Variants in CSTF3 observed in about 807,000 individuals in gnomAD.
CSTF3 encodes the protein CF-1 77 kDa subunit.
CSTF3 carries 29 observed loss-of-function variants against 105.8 expected under a neutral mutation model. That is an observed-to-expected ratio of 0.27 (90% CI 0.20 to 0.37). CSTF3 has a LOEUF of 0.37. Ranked by LOEUF, CSTF3 falls within the 10% of genes least tolerant of loss-of-function variation. The pLI is 1.00. For missense variants in CSTF3, 357 were observed against 879.3 expected, an observed-to-expected ratio of 0.41 and a Z score of 7.51; for synonymous variants, 252 against 281.9, an observed-to-expected ratio of 0.89 and a Z score of 1.06.
chr11:33,140,712 T>C (rs1403915521), intron 3 of CSTF3, among the ~76,000 whole-genome samples: 1 of 152,076 alleles, frequency 6.6e-6, no homozygotes. Context: ...GAAAATGTTA[T>C]GTTGAGGCTG....
At chr11:33,109,425 C>T (rs1407520909) in intron 3 of CSTF3, among the ~76,000 whole-genome samples, 1 of 152,040 alleles carries the variant, frequency 6.6e-6, no homozygotes, top group South Asian at 2.1e-4. Context: ...ATAACTTGTT[C>T]TCTTCTGGAC....
chr11:33,119,727 C>T (rs1257306593), intron 3 of CSTF3, among the ~76,000 whole-genome samples: 3 of 151,720 alleles, frequency 2.0e-5, no homozygotes, highest in African/African-American at 7.2e-5. Flanking sequence ...TAATTCTATT[C>T]TGCAACTGTT....
intron 3 of CSTF3, among the ~76,000 whole-genome samples, chr11:33,131,605 G>C (rs1160439021): frequency 1.3e-5 from 2 of 152,160 alleles, no homozygotes; most frequent in African/African-American, 4.8e-5. Context: ...CCCGCACTTT[G>C]GGAGGCCGAG....
At chr11:33,146,250 AAG>A (rs1491065700) in intron 1 of CSTF3, among the ~76,000 whole-genome samples, 1 of 151,582 alleles carries the variant, frequency 6.6e-6, no homozygotes, top group African/African-American at 2.4e-5. Context: ...CTCAAAAAAA[AAG>A]AAAAAAAGAA....
chr11:33,128,969 C>T (rs1855571556), intron 3 of CSTF3, among the ~76,000 whole-genome samples: 1 of 152,138 alleles, frequency 6.6e-6, no homozygotes, highest in Non-Finnish European at 1.5e-5. Flanking sequence ...CTCACCATCC[C>T]CCATCTTCCC....
At chr11:33,104,147 TTC>T (rs1400121015) in intron 8 of CSTF3, among the ~76,000 whole-genome samples, 2 of 152,280 alleles carry the variant, frequency 1.3e-5, no homozygotes, top group Admixed American at 6.5e-5. Context: ...TTCTAACTAG[TTC>T]TGTTGTATAA....
In CSTF3 at chr11:33,161,293, C is replaced by T. The variant is rs1347323792; in HGVS notation, c.27+6G>A. 8 of 1,613,248 alleles carry T rather than the reference C, an allele frequency of 5.0e-6. No individual in the cohort carries two copies. The highest frequency in any genetic ancestry group is 6.8e-6 in the Non-Finnish European group (8 of 1,180,012). On this transcript the variant is annotated splice_donor_region_variant and intron_variant, in intron 1 of 20. Transcript: ENST00000323959. The stretch of plus-strand genomic sequence containing the variant: ...GCCACGAGGCCCCACCACTCTCCTT[C>T]CTCACCTGCTCCGTGGCTCCGTCTC...
intron 1 of CSTF3, 103 bp from the exon 2 acceptor site, chr11:33,142,089 A>T: frequency 6.5e-7 from 1 of 1,527,108 alleles, no homozygotes; most frequent in Non-Finnish European, 8.8e-7. Context: ...GTCACATTAC[A>T]AAGCATAAAA....
intron 13 of CSTF3, among the ~76,000 whole-genome samples, chr11:33,098,241 G>C (rs535761222): frequency 6.6e-6 from 1 of 152,224 alleles, no homozygotes; most frequent in African/African-American, 2.4e-5. Context: ...GCAGGATTTA[G>C]CATAAAGTGA....
intron 3 of CSTF3, among the ~76,000 whole-genome samples, chr11:33,116,502 A>C (rs1855432276): frequency 6.6e-6 from 1 of 152,200 alleles, no homozygotes; most frequent in African/African-American, 2.4e-5. Context: ...TGTACAAGTC[A>C]ATGAAACAAC....
chr11:33,124,080 G>A (rs1204472191), intron 3 of CSTF3, among the ~76,000 whole-genome samples: 1 of 151,858 alleles, frequency 6.6e-6, no homozygotes, highest in Non-Finnish European at 1.5e-5. Context: ...AACACAATAT[G>A]CATTATGCAT....
At chr11:33,097,719 A>G (rs1041665833) in intron 13 of CSTF3, among the ~76,000 whole-genome samples, 4 of 151,352 alleles carry the variant, frequency 2.6e-5, no homozygotes, top group Admixed American at 2.0e-4. Flanking sequence ...AAAGCCCACT[A>G]CTCTATTTTC....
At chr11:33,145,765 G>C (rs1466032291) in intron 1 of CSTF3, among the ~76,000 whole-genome samples, 1 of 152,070 alleles carries the variant, frequency 6.6e-6, no homozygotes, top group African/African-American at 2.4e-5. Context: ...AGTGAGCAGA[G>C]ATGGCGCCAC....
At chr11:33,132,316 T>C (rs1855607742) in intron 3 of CSTF3, among the ~76,000 whole-genome samples, 1 of 152,136 alleles carries the variant, frequency 6.6e-6, no homozygotes, top group Non-Finnish European at 1.5e-5. Context: ...GACCCTGCAG[T>C]TGAGGCACAG....
intron 15 of CSTF3, among the ~76,000 whole-genome samples, chr11:33,095,682 G>A (rs189802742): frequency 3.6e-4 from 54 of 151,496 alleles, no homozygotes; most frequent in African/African-American, 1.2e-3. Context: ...TTAGCCGGGC[G>A]AGGTGGCGGG....
intron 1 of CSTF3, among the ~76,000 whole-genome samples, chr11:33,147,362 C>T (rs566047172): frequency 2.6e-5 from 4 of 151,256 alleles, no homozygotes; most frequent in East Asian, 2.0e-4. Context: ...TTTGGGAGCC[C>T]GAGGTGGGCA....
chr11:33,156,464 TAAG>T (rs1367403728), intron 1 of CSTF3, among the ~76,000 whole-genome samples: 1 of 152,188 alleles, frequency 6.6e-6, no homozygotes, highest in Non-Finnish European at 1.5e-5. Context: ...TTATTAATAA[TAAG>T]TATATAATAG....
At chr11:33,089,703 C>G (rs1855146870) in intron 17 of CSTF3, among the ~76,000 whole-genome samples, 1 of 152,192 alleles carries the variant, frequency 6.6e-6, no homozygotes, top group Admixed American at 6.5e-5. Context: ...AATATTTTAT[C>G]TGGATCAGAC....
chr11:33,085,054 G>C lies in CSTF3; in HGVS notation c.*33C>G. 1 of 1,609,056 alleles carries C rather than the reference G, an allele frequency of 6.2e-7. No individual in the cohort carries two copies. Among genetic ancestry groups the C allele is most frequent in the Non-Finnish European group, 8.5e-7 (1 of 1,175,516 alleles). On this transcript the variant is annotated 3_prime_UTR_variant, in exon 21 of 21. Transcript: ENST00000323959. ...TACCACTTGAGGCAAAAGGAATCCT[G>C]GACAGGAGTTTTCTGCAGAGGCGTT...
Sources: allele counts gnomAD v4.1 joint callset (sites outside exome capture counted in the v4.1 genomes callset), GRCh38; gene constraint gnomAD v4.1.1; transcripts MANE v1.5; gene names NCBI Gene and HGNC (gene_info 2026-07-23, HGNC 2026-07-21).